The following ROBO2 variants were observed in gnomAD, a reference collection of about 807,000 sequenced individuals.
ROBO2 encodes the protein roundabout guidance receptor 2, also known as roundabout homolog 2.
A neutral mutation model predicts 160.8 loss-of-function variants in ROBO2; 53 were observed. The ratio of observed to expected loss-of-function variants is 0.33; its 90% confidence interval spans 0.26 to 0.41. The LOEUF (loss-of-function observed/expected upper bound fraction) is 0.41, where lower values mean the gene tolerates loss of function less well. ROBO2 is among the 10% of genes least tolerant of loss of function. The probability of loss-of-function intolerance (pLI) is 1.00; values close to 1 mark genes in which losing one functional copy is unlikely to be tolerated. For missense variants in ROBO2, 1,577 were observed against 1,722.4 expected (o/e 0.92, Z 1.49); for synonymous variants, 664 against 611.7 (o/e 1.09, Z -1.26).
At chr3:76,195,888 T>A (rs17013913) in intron 2 of ROBO2, among the ~76,000 whole-genome samples, 5 of 152,050 alleles carry the variant, frequency 3.3e-5, no homozygotes, top group African/African-American at 7.3e-5. Context: ...GAAGTGCCAC[T>A]TACGTCTTAG....
At chr3:76,595,839 A>G (rs1332014948) in intron 2 of ROBO2, among the ~76,000 whole-genome samples, 2 of 152,022 alleles carry the variant, frequency 1.3e-5, no homozygotes, top group Non-Finnish European at 2.9e-5. Context: ...ATATCCTCCA[A>G]ATTTGGACAA....
chr3:76,996,372 A>G (rs1405678853), intron 2 of ROBO2, among the ~76,000 whole-genome samples: 1 of 152,130 alleles, frequency 6.6e-6, no homozygotes, highest in Non-Finnish European at 1.5e-5. Flanking sequence ...GTATTGTTTG[A>G]AGTCAGGTAG....
chr3:75,911,980 A>AT (rs1293324702), intron 1 of ROBO2, among the ~76,000 whole-genome samples: 9 of 152,024 alleles, frequency 5.9e-5, no homozygotes, highest in Non-Finnish European at 1.3e-4. Flanking sequence ...ATTTGATAGT[A>AT]TTTTTTTCTT....
At chr3:77,190,374 C>T (rs958543377) in intron 2 of ROBO2, among the ~76,000 whole-genome samples, 1 of 151,912 alleles carries the variant, frequency 6.6e-6, no homozygotes, top group East Asian at 1.9e-4. Flanking sequence ...ATTCTGACCT[C>T]TATTCTTAAC....
intron 20 of ROBO2, among the ~76,000 whole-genome samples, chr3:77,604,982 AT>A (rs2094497519): frequency 6.6e-6 from 1 of 151,860 alleles, no homozygotes. Flanking sequence ...CCTGAGCAAC[AT>A]GGTGAAACCC....
chr3:77,293,254 G>A (rs1465922832), intron 2 of ROBO2, among the ~76,000 whole-genome samples: 6 of 151,410 alleles, frequency 4.0e-5, no homozygotes, highest in South Asian at 4.2e-4. Flanking sequence ...TAAAATTGAC[G>A]GTTATACAGG....
chr3:77,195,605 C>T (rs2057062687), intron 2 of ROBO2, among the ~76,000 whole-genome samples: 1 of 152,156 alleles, frequency 6.6e-6, no homozygotes, highest in Admixed American at 6.5e-5. Flanking sequence ...TTAAATCTGT[C>T]TTATCTATAT....
At chr3:76,247,308 C>A (rs1705680636) in intron 2 of ROBO2, among the ~76,000 whole-genome samples, 1 of 152,088 alleles carries the variant, frequency 6.6e-6, no homozygotes, top group African/African-American at 2.4e-5. Flanking sequence ...GGTATCTCCC[C>A]AGGATAACTT....
chr3:76,371,571 C>A (rs765938414), intron 2 of ROBO2, among the ~76,000 whole-genome samples: 2 of 151,748 alleles, frequency 1.3e-5, no homozygotes, highest in Non-Finnish European at 2.9e-5. Flanking sequence ...TGAGAAAAAG[C>A]AAAACAAGAA....
At chr3:76,986,995 T>C (rs543185734) in intron 2 of ROBO2, among the ~76,000 whole-genome samples, 7 of 152,292 alleles carry the variant, frequency 4.6e-5, no homozygotes, top group South Asian at 2.1e-4. Context: ...TCACATCTTA[T>C]TGACAATAAA....
intron 2 of ROBO2, among the ~76,000 whole-genome samples, chr3:76,967,421 G>T (rs2059356232): frequency 6.6e-6 from 1 of 150,638 alleles, no homozygotes; most frequent in African/African-American, 2.4e-5. Flanking sequence ...TGCCCAGGCT[G>T]GTCTCGAACT....
At chr3:77,119,305 G>T (rs988972973) in intron 2 of ROBO2, among the ~76,000 whole-genome samples, 1 of 152,136 alleles carries the variant, frequency 6.6e-6, no homozygotes, top group African/African-American at 2.4e-5. Flanking sequence ...TAATACAATT[G>T]TAAGTATTTG....
At position 77,093,188 on chromosome 3, in the gene ROBO2, C is replaced by T. The variant is rs1021038989; in HGVS notation, c.62-4826C>T. ...TGAAGAGAGGGGAATCTTGTTAAAA[C>T]GCAGATTCAGATTTCAGATATGCTG... On this transcript the variant is annotated intron_variant, in intron 1 of 25. Coordinates refer to ENST00000461745, the Ensembl canonical transcript of ROBO2. 7.2e-5 allele frequency among the ~76,000 whole-genome samples: 11 copies of T among 152,222 alleles called. No homozygotes were observed. The South Asian group carries it at 1.0e-3, about 14-fold the overall frequency.
chr3:76,026,959 G>A (rs57122541), intron 2 of ROBO2, among the ~76,000 whole-genome samples: 1,984 of 152,010 alleles, frequency 0.013, 32 homozygotes, highest in African/African-American at 0.045. Flanking sequence ...TCTCTGACAA[G>A]ATACTGATTA....
intron 2 of ROBO2, among the ~76,000 whole-genome samples, chr3:76,302,740 ACTATAC>A (rs1447606705): frequency 6.6e-6 from 1 of 152,112 alleles, no homozygotes; most frequent in Non-Finnish European, 1.5e-5. Flanking sequence ...TGCGTAGCAA[ACTATAC>A]CATCTAGGTT....
intron 2 of ROBO2, among the ~76,000 whole-genome samples, chr3:76,949,604 G>A (rs572673266): frequency 6.6e-6 from 1 of 152,202 alleles, no homozygotes; most frequent in African/African-American, 2.4e-5. Flanking sequence ...CCTATTTCCC[G>A]TGTCCACAGA....
At chr3:76,468,212 T>C (rs2078461535) in intron 2 of ROBO2, among the ~76,000 whole-genome samples, 2 of 152,232 alleles carry the variant, frequency 1.3e-5, no homozygotes, top group African/African-American at 4.8e-5. Context: ...CAAGGCTACA[T>C]TGGATAGCAA....
intron 2 of ROBO2, among the ~76,000 whole-genome samples, chr3:76,481,888 A>C (rs1477892305): frequency 6.6e-6 from 1 of 152,130 alleles, no homozygotes; most frequent in Non-Finnish European, 1.5e-5. Flanking sequence ...ATTTTTCTTC[A>C]TCCAGGCAGA....
chr3:77,510,111 C>T (rs978012836), intron 5 of ROBO2, among the ~76,000 whole-genome samples: 3 of 151,974 alleles, frequency 2.0e-5, no homozygotes, highest in African/African-American at 7.2e-5. Flanking sequence ...CACATATAGA[C>T]TGAGTTCAGA....
Sources: gnomAD v4.1 joint callset for allele counts (sites outside exome capture counted in the v4.1 genomes callset) on GRCh38, gnomAD v4.1.1 for gene constraint, MANE v1.5 for transcripts, NCBI Gene and HGNC (gene_info 2026-07-23, HGNC 2026-07-21) for gene names.